NCKAP5: variants seen among roughly 807,000 people sequenced by gnomAD.
NCKAP5 encodes the protein NCK associated protein 5.
A neutral mutation model predicts 167.0 loss-of-function variants in NCKAP5; 92 were observed. The ratio of observed to expected loss-of-function variants is 0.55; its 90% CI spans 0.47 to 0.66. NCKAP5 has a LOEUF of 0.66. Among genes scored for constraint, NCKAP5 ranks in the 30% least tolerant of loss-of-function variants. NCKAP5 has a pLI of 0.00. For synonymous variants in NCKAP5, 891 were observed against 877.4 expected (o/e 1.02, Z -0.27); for missense variants, 2,378 against 2,315.0 (o/e 1.03, Z -0.56).
chr2:133,207,173 G>C (rs939052372), intron 5 of NCKAP5, among the ~76,000 whole-genome samples: 6 of 151,954 alleles, frequency 3.9e-5, no homozygotes, highest in Non-Finnish European at 8.8e-5. Flanking sequence ...AAACTTGCTG[G>C]TTTTGTGGCT....
chr2:133,462,407 G>A (rs891824857), intron 3 of NCKAP5, among the ~76,000 whole-genome samples: 12 of 152,044 alleles, frequency 7.9e-5, no homozygotes, highest in Admixed American at 3.9e-4. Context: ...TGCCGGCTTC[G>A]CAAGGCATTT....
At chr2:133,393,832 G>A (rs1396720511) in intron 3 of NCKAP5, among the ~76,000 whole-genome samples, 1 of 152,206 alleles carries the variant, frequency 6.6e-6, no homozygotes, top group East Asian at 1.9e-4. Context: ...TATTAGGAAG[G>A]AAAATTGCTG....
At chr2:133,218,081 A>T (rs973883498) in intron 4 of NCKAP5, among the ~76,000 whole-genome samples, 1 of 151,758 alleles carries the variant, frequency 6.6e-6, no homozygotes, top group African/African-American at 2.4e-5. Flanking sequence ...AAAACTGAGG[A>T]TCCCAAAGAG....
intron 3 of NCKAP5, among the ~76,000 whole-genome samples, chr2:133,500,358 C>A (rs995307410): frequency 1.3e-5 from 2 of 152,162 alleles, no homozygotes; most frequent in Admixed American, 1.3e-4. Context: ...CAAACTTTAC[C>A]TTCTAACTTA....
intron 8 of NCKAP5, among the ~76,000 whole-genome samples, chr2:132,891,271 G>T (rs543742126): frequency 7.9e-5 from 12 of 152,276 alleles, no homozygotes; most frequent in African/African-American, 2.6e-4. Context: ...CCTCACATTT[G>T]GATTCAGGGC....
chr2:133,508,479 C>A (rs1318955628), intron 3 of NCKAP5, among the ~76,000 whole-genome samples: 1 of 152,176 alleles, frequency 6.6e-6, no homozygotes, highest in African/African-American at 2.4e-5. Flanking sequence ...AAGCAGAAAT[C>A]ATAGTTTACA....
intron 6 of NCKAP5, among the ~76,000 whole-genome samples, chr2:133,092,027 C>T (rs2081201516): frequency 6.6e-6 from 1 of 152,182 alleles, no homozygotes; most frequent in Admixed American, 6.5e-5. Flanking sequence ...ATGGTCTCAT[C>T]ACCCCAACCT....
chr2:132,735,222 C>T lies in NCKAP5; in HGVS notation c.5129-3171G>A, dbSNP rs143947188. Among the ~76,000 whole-genome samples the T allele has an allele frequency of 4.6e-5, 7 of 152,294 alleles. No individual in the cohort carries two copies. The South Asian group carries it at 8.3e-4, about 18-fold the overall frequency. On this transcript the variant is annotated intron_variant, in intron 16 of 19. Transcript: ENST00000409261. Reference sequence around the variant, plus strand: ...TGCCTCCTGATATGGTTTGGATCTGCGTCCCTGCTACATCTCATGTTGAAA... The same window carrying T: ...TGCCTCCTGATATGGTTTGGATCTGTGTCCCTGCTACATCTCATGTTGAAA...
intron 2 of NCKAP5, among the ~76,000 whole-genome samples, chr2:133,541,534 GATT>G (rs1686226579): frequency 6.6e-6 from 1 of 152,078 alleles, no homozygotes. Context: ...TCATTGCCAA[GATT>G]ATTTAAAGAA....
chr2:133,307,783 G>T (rs1026488194), intron 3 of NCKAP5, among the ~76,000 whole-genome samples: 2 of 152,076 alleles, frequency 1.3e-5, no homozygotes, highest in Non-Finnish European at 2.9e-5. Context: ...CTGTGTGCAG[G>T]TAAGTATATG....
At position 132,774,332 on chromosome 2, in the gene NCKAP5, T is replaced by C. The variant is rs138676438; in HGVS notation, c.5050-438A>G. Among the ~76,000 whole-genome samples, 301 of 152,342 alleles carry C rather than the reference T, an allele frequency of 2.0e-3. 3 individuals carry two copies. Among genetic ancestry groups the C allele is most frequent in the African/African-American group, 6.9e-3 (288 of 41,578 alleles). ...AGTTATTTTAATAGGAATAAAAATA[T>C]ATACTTTAAATATACTTAGGTCTGC... On this transcript the variant is annotated intron_variant, in intron 15 of 19. Coordinates refer to ENST00000409261, the MANE Select transcript of NCKAP5 (RefSeq NM_207363.3).
chr2:133,022,701 T>A (rs562275784), intron 6 of NCKAP5, among the ~76,000 whole-genome samples: 1 of 152,336 alleles, frequency 6.6e-6, no homozygotes, highest in Admixed American at 6.5e-5. Context: ...AAGATGGTAA[T>A]ATGCTTCTAG....
At chr2:133,316,220 C>CCTTAGG (rs1354000696) in intron 3 of NCKAP5, among the ~76,000 whole-genome samples, 5 of 152,192 alleles carry the variant, frequency 3.3e-5, no homozygotes, top group African/African-American at 1.2e-4. Context: ...ACACACTGAA[C>CCTTAGG]CTTTCCTTGA....
In NCKAP5 at chr2:133,541,363, G is replaced by A. The variant is rs183536358; in HGVS notation, c.-62+17687C>T. Among the ~76,000 whole-genome samples, 255 of 152,054 alleles carry A rather than the reference G, an allele frequency of 1.7e-3. 1 individual carries two copies. Among genetic ancestry groups the A allele is most frequent in the African/African-American group, 5.6e-3 (233 of 41,514 alleles). On this transcript the variant is annotated intron_variant, in intron 2 of 19. Transcript: ENST00000409261. ...CTAAAGTTGGGAACTACATAAATGA[G>A]AACAAAACATGAGAGCAACATTCAC...
chr2:132,818,768 A>G (rs1036183211), intron 11 of NCKAP5, among the ~76,000 whole-genome samples: 35 of 152,236 alleles, frequency 2.3e-4, no homozygotes, highest in African/African-American at 8.0e-4. Flanking sequence ...TATTTCCTTC[A>G]GTTATGAATG....
intron 3 of NCKAP5, among the ~76,000 whole-genome samples, chr2:133,375,826 T>G (rs1033823900): frequency 6.6e-6 from 1 of 152,262 alleles, no homozygotes; most frequent in African/African-American, 2.4e-5. Flanking sequence ...TACCACATTT[T>G]CTTTATCCAG....
At chr2:132,979,247 T>C (rs887770340) in intron 7 of NCKAP5, among the ~76,000 whole-genome samples, 2 of 152,204 alleles carry the variant, frequency 1.3e-5, no homozygotes, top group Non-Finnish European at 2.9e-5. Context: ...TCCTGTCTTT[T>C]TTTTCATTTA....
chr2:132,842,774 A>G (rs1240319060), intron 11 of NCKAP5, among the ~76,000 whole-genome samples: 2 of 151,952 alleles, frequency 1.3e-5, no homozygotes, highest in Non-Finnish European at 2.9e-5. Context: ...TCCTGGGATC[A>G]AGCAATCCTT....
At chr2:132,892,250 T>G (rs2148872696) in intron 8 of NCKAP5, among the ~76,000 whole-genome samples, 1 of 152,338 alleles carries the variant, frequency 6.6e-6, no homozygotes, top group East Asian at 1.9e-4. Flanking sequence ...TTTCTCACCT[T>G]CTTACTTCTG....
Sources: gnomAD v4.1 joint callset for allele counts (sites outside exome capture counted in the v4.1 genomes callset) on GRCh38, gnomAD v4.1.1 for gene constraint, MANE v1.5 for transcripts, NCBI Gene and HGNC (gene_info 2026-07-23, HGNC 2026-07-21) for gene names.